ITGB4: variants seen among roughly 807,000 people sequenced by gnomAD.
ITGB4 encodes the protein integrin beta-4.
ITGB4 carries 159 observed loss-of-function variants against 207.6 expected under a neutral mutation model. The observed-to-expected ratio is 0.77, with a 90% CI of 0.67 to 0.87. The LOEUF (loss-of-function observed/expected upper bound fraction) is 0.87. Ranked by LOEUF, ITGB4 falls within the 40% of genes least tolerant of loss-of-function variation. ITGB4 has a pLI of 0.00. For missense variants in ITGB4, 2,278 were observed against 2,546.8 expected, an observed-to-expected ratio of 0.89 and a Z score of 2.27; for synonymous variants, 1,020 against 1,062.7, an observed-to-expected ratio of 0.96 and a Z score of 0.78.
intron 16 of ITGB4, 145 bp from the exon 17 acceptor site, chr17:75,737,177 G>A (rs550790104): frequency 2.8e-5 from 29 of 1,053,630 alleles, no homozygotes; most frequent in African/African-American, 1.4e-4. Context: ...GTGAGAGCAC[G>A]GCTTTGCAAG....
chr17:75,730,605 C>T, intron 8 of ITGB4, 101 bp downstream of exon 8: 3 of 1,115,986 alleles, frequency 2.7e-6, no homozygotes, highest in Non-Finnish European at 3.8e-6. Context: ...TCCCTCCCTT[C>T]CTCCCTTCCT....
At position 75,730,904 on chromosome 17, in the gene ITGB4, A is replaced by G. The variant is rs145591069; in HGVS notation, c.1032A>G (p.Ser344=). 6.9e-5 allele frequency: 112 copies of G among 1,613,700 alleles called. 1 individual carries two copies. In the African/African-American group the frequency reaches 1.4e-3, roughly 20 times the overall value. ...TTCACACCTATTTCCCTGTCTCCTC[A>G]CTGGGGGTGCTGCAGGAGGACTCGT... ...EKLHTYFPVS[S]LGVLQEDSSN... is the part of the protein sequence containing the mutation. The change falls in exon 9 of 40, where the codon TCA becomes TCG. Residue 344 remains serine, a synonymous_variant. Transcript: ENST00000200181.
Position 75,738,239 on chromosome 17 carries a change from G to A in ITGB4, c.2220+595G>A, listed in dbSNP as rs115354807. On this transcript the variant is annotated intron_variant, in intron 18 of 39. Transcript: ENST00000200181. Reference sequence around the variant, plus strand: ...CCCACACCAACCCCATCCAGCTTCCGGAGTGACAGTAATGATGATGACACC... The same window carrying A: ...CCCACACCAACCCCATCCAGCTTCCAGAGTGACAGTAATGATGATGACACC... Among the ~76,000 whole-genome samples the A allele has an allele frequency of 3.8e-3, 482 of 128,260 alleles. 3 individuals carry two copies. Among genetic ancestry groups the A allele is most frequent in the African/African-American group, 0.014 (450 of 32,312 alleles). The allele number at this position is 128,260 out of a possible 152,430, so 84.1% of individuals were successfully genotyped here.
chr17:75,755,937 G>A, intron 35 of ITGB4, 87 bp downstream of exon 35: 1 of 1,490,624 alleles, frequency 6.7e-7, no homozygotes, highest in Non-Finnish European at 9.1e-7. Context: ...AGCTGTGTCA[G>A]GAACCCACCC....
Position 75,731,695 on chromosome 17 carries a change from C to T in ITGB4, c.1216-117C>T. On this transcript the variant is annotated intron_variant, in intron 10 of 39. Coordinates refer to ENST00000200181, the MANE Select transcript of ITGB4 (RefSeq NM_000213.5). This position sits in a 1 kb window ranked among gnomAD's most constrained non-coding sequence, Gnocchi z 6.8. ...CAGCCCTGAGGGAGGTGAGCAGGAG[C>T]TCATTTCAGGGATCCAGACATCTCC... 3 of 1,152,122 alleles carry T rather than the reference C, an allele frequency of 2.6e-6. No individual in the cohort carries two copies. The highest frequency in any genetic ancestry group is 2.4e-6 in the Non-Finnish European group (2 of 834,606). 71.4% of individuals were successfully genotyped at this position (1,152,122 alleles called of 1,614,324 possible).
In ITGB4 at chr17:75,733,661, G is replaced by A; in HGVS notation, c.1626G>A (p.Gln542=). The part of the protein sequence containing the change: ...EGQFCEYDNF[Q]CPRTSGFLCN... ...AGTTCTGCGAGTATGACAACTTCCA[G>A]TGTCCCCGCACTTCCGGGTTCCTCT... The change falls in exon 13 of 40, where the codon CAG becomes CAA. Residue 542 remains glutamine (Q), a synonymous_variant. Coordinates refer to ENST00000200181, the MANE Select transcript of ITGB4 (RefSeq NM_000213.5). The A allele has an allele frequency of 6.2e-7, 1 of 1,614,202 alleles. No homozygotes were observed. Among genetic ancestry groups the A allele is most frequent in the South Asian group, 1.1e-5 (1 of 91,090 alleles).
At position 75,742,266 on chromosome 17, in the gene ITGB4, A is replaced by C; in HGVS notation, c.2634-75A>C. 1 of 1,587,274 alleles carries C rather than the reference A, an allele frequency of 6.3e-7. No individual in the cohort carries two copies. Among genetic ancestry groups the C allele is most frequent in the African/African-American group, 1.3e-5 (1 of 74,424 alleles). On this transcript the variant is annotated intron_variant, in intron 23 of 39. Transcript: ENST00000200181. This position sits in a 1 kb window ranked among gnomAD's most constrained non-coding sequence, Gnocchi z 5.9. ...TACATCCTGGCCCCTGAAGGGGAGAAGACAGGCAGGAGGGACAGGGCAGCA... is the reference window on the plus strand; with the variant it reads ...TACATCCTGGCCCCTGAAGGGGAGACGACAGGCAGGAGGGACAGGGCAGCA...
intron 7 of ITGB4, 64 bp from the exon 8 acceptor site, chr17:75,730,177 G>A (rs982992257): frequency 8.7e-6 from 14 of 1,605,284 alleles, no homozygotes; most frequent in Admixed American, 1.7e-5. Flanking sequence ...CGTCCTACAC[G>A]ACGCCGTGAT....
intron 26 of ITGB4, among the ~76,000 whole-genome samples, chr17:75,744,657 G>A (rs1371624733): frequency 6.6e-6 from 1 of 152,240 alleles, no homozygotes; most frequent in African/African-American, 2.4e-5. Flanking sequence ...TCAAGGCAGG[G>A]AGTGCCATGG....
Position 75,740,947 on chromosome 17 carries a change from C to A in ITGB4, c.2610-35C>A, listed in dbSNP as rs576314296. 8 of 1,614,004 alleles carry A rather than the reference C, an allele frequency of 5.0e-6. No individual in the cohort carries two copies. The East Asian group carries it at 1.6e-4, about 31-fold the overall frequency. The stretch of plus-strand genomic sequence containing the variant: ...GGCCGATCAGGCCTCCACTTCAGGG[C>A]TATCTAGCTCACAGCGCCCTCTTTG... On this transcript the variant is annotated intron_variant, in intron 22 of 39. Coordinates refer to ENST00000200181, the MANE Select transcript of ITGB4 (RefSeq NM_000213.5). The surrounding 1 kb of genome is among the most constrained non-coding windows in gnomAD (Gnocchi z 5.9).
At position 75,731,378 on chromosome 17, in the gene ITGB4, T is replaced by C. The variant is rs973315793; in HGVS notation, c.1215+10T>C. On this transcript the variant is annotated intron_variant, in intron 10 of 39. Transcript: ENST00000200181. The surrounding 1 kb of genome is among the most constrained non-coding windows in gnomAD (Gnocchi z 6.8). ...CCGGCGGGGGGAAGTGGTACGCCTC[T>C]GTGGGGGCAGCGGGGTGGGGGATAG... 2 of 1,601,210 alleles carry C rather than the reference T, an allele frequency of 1.2e-6. No homozygotes were observed. Among genetic ancestry groups the C allele is most frequent in the Non-Finnish European group, 1.7e-6 (2 of 1,171,114 alleles).
chr17:75,749,978 C>T, intron 27 of ITGB4, 133 bp from the exon 28 acceptor site: 1 of 1,136,632 alleles, frequency 8.8e-7, no homozygotes, highest in South Asian at 1.2e-5. Flanking sequence ...CACCAGGTCT[C>T]CAGAGACGCG....
chr17:75,756,135 T>C (rs2061494905), intron 35 of ITGB4, among the ~76,000 whole-genome samples: 1 of 152,194 alleles, frequency 6.6e-6, no homozygotes, highest in Non-Finnish European at 1.5e-5. Context: ...TCTGCTGGCC[T>C]GAGATGCCTT....
rs2061343505 is a variant in ITGB4, at chr17:75,750,524, G to A, written c.3475-156G>A. On this transcript the variant is annotated intron_variant, in intron 28 of 39. Coordinates refer to ENST00000200181, the MANE Select transcript of ITGB4 (RefSeq NM_000213.5). This position sits in a 1 kb window ranked among gnomAD's most constrained non-coding sequence, Gnocchi z 5.5. ...CATGGGAGATACCCCCACCTGCTCT[G>A]CCCTAGTCCTGACGTGTGCACATGG... Among the ~76,000 whole-genome samples the A allele has an allele frequency of 6.6e-6, 1 of 152,046 alleles. No homozygotes were observed. The highest frequency in any genetic ancestry group is 6.5e-5 in the Admixed American group (1 of 15,280).
In ITGB4 at chr17:75,751,025, C is replaced by T. The variant is rs1267988336; in HGVS notation, c.3707C>T (p.Thr1236Ile). Reference protein sequence around the residue: ...LAFNVVSSTVTQLSWAEPAET... With the variant: ...LAFNVVSSTVIQLSWAEPAET... ...TTCAATGTCGTCTCCTCCACGGTGA[C>T]CCAGCTGAGCTGGGCTGAGCCGGCT... is the stretch of plus-strand genomic sequence containing the variant. Residue 1236 changes from threonine to isoleucine, a missense_variant, in exon 30 of 40, where the codon ACC becomes ATC. Thr to Ile is a moderately conservative substitution (Grantham distance 89). Transcript: ENST00000200181. 1 of 1,613,872 alleles carries T rather than the reference C, an allele frequency of 6.2e-7. No homozygotes were observed. Among genetic ancestry groups the T allele is most frequent in the Non-Finnish European group, 8.5e-7 (1 of 1,180,036 alleles).
rs1265994875 is a variant in ITGB4 at position 75,756,865 on chromosome 17, G to A, written c.5053+6G>A. On this transcript the variant is annotated splice_donor_region_variant and intron_variant, in intron 37 of 39. Transcript: ENST00000200181. Reference sequence around the variant, plus strand: ...TGAGATGGCCCAAGGAGGAGGTGCTGCCCACCCCGGGGGCAGGAGTGGCCA... The same window carrying A: ...TGAGATGGCCCAAGGAGGAGGTGCTACCCACCCCGGGGGCAGGAGTGGCCA... The A allele has an allele frequency of 3.7e-6, 6 of 1,612,164 alleles. No individual in the cohort carries two copies. The highest frequency in any genetic ancestry group is 5.1e-6 in the Non-Finnish European group (6 of 1,179,952).
intron 34 of ITGB4, 121 bp from the exon 35 acceptor site, chr17:75,755,580 G>A: frequency 7.7e-7 from 1 of 1,300,246 alleles, no homozygotes; most frequent in Non-Finnish European, 1.1e-6. Flanking sequence ...TGAGTGAGTT[G>A]TCCAGCCAGC....
Position 75,727,441 on chromosome 17 carries a change from T to A in ITGB4, c.200T>A (p.Leu67Gln), listed in dbSNP as rs1372151872. ...CGGCGCTGCAACACCCAGGCGGAGC[T>A]GCTGGCCGCGGGCTGCCAGCGGGAG... ...RDRRCNTQAE[L>Q]LAAGCQRESI... is the part of the protein sequence containing the mutation. Residue 67 changes from leucine (L) to glutamine (Q), a missense_variant, in exon 4 of 40, where the codon CTG becomes CAG. Transcript: ENST00000200181. The surrounding 1 kb of genome is among the most constrained non-coding windows in gnomAD (Gnocchi z 6.0). The A allele has an allele frequency of 6.2e-7, 1 of 1,613,996 alleles. No homozygotes were observed. Among genetic ancestry groups the A allele is most frequent in the East Asian group, 2.2e-5 (1 of 44,884 alleles).
In ITGB4 at chr17:75,731,806, C is replaced by T. The variant is rs1457943611; in HGVS notation, c.1216-6C>T. ...CCTGCCTTGGCTGACCACGGGGCCCCTGCAGGGTATATACCAGGTGCAGCT... is the reference window on the plus strand; with the variant it reads ...CCTGCCTTGGCTGACCACGGGGCCCTTGCAGGGTATATACCAGGTGCAGCT... On this transcript the variant is annotated splice_polypyrimidine_tract_variant and splice_region_variant and intron_variant, in intron 10 of 39. Transcript: ENST00000200181. This position sits in a 1 kb window ranked among gnomAD's most constrained non-coding sequence, Gnocchi z 6.8. The T allele has an allele frequency of 6.3e-7, 1 of 1,579,904 alleles. No homozygotes were observed. The highest frequency in any genetic ancestry group is 8.6e-7 in the Non-Finnish European group (1 of 1,162,660).
Sources: allele counts gnomAD v4.1 joint callset (sites outside exome capture counted in the v4.1 genomes callset), GRCh38; gene constraint gnomAD v4.1.1; non-coding constraint Gnocchi (gnomAD v3.1); transcripts MANE v1.5; gene names NCBI Gene and HGNC (gene_info 2026-07-23, HGNC 2026-07-21).